The following FBXW11 variants were observed in gnomAD, a reference collection of about 807,000 sequenced individuals.
FBXW11 encodes F-box and WD repeat domain containing 11, also known as F-box/WD repeat-containing protein 11.
Under a neutral mutation model 77.6 loss-of-function variants are expected in FBXW11, and 19 were observed. The observed-to-expected ratio is 0.24, with a 90% CI of 0.17 to 0.36. FBXW11 has a LOEUF of 0.36. Among genes scored for constraint, FBXW11 ranks in the 10% least tolerant of loss-of-function variants. The probability of loss-of-function intolerance (pLI) is 1.00; values close to 1 mark genes in which losing one functional copy is unlikely to be tolerated. For missense variants in FBXW11, 334 were observed against 704.2 expected, an observed-to-expected ratio of 0.47 and a Z score of 5.95; for synonymous variants, 235 against 249.4, an observed-to-expected ratio of 0.94 and a Z score of 0.54.
At chr5:171,893,271 G>C (rs1030247996) in intron 6 of FBXW11, among the ~76,000 whole-genome samples, 7 of 151,714 alleles carry the variant, frequency 4.6e-5, no homozygotes, top group South Asian at 2.1e-4. Context: ...TATTTCCAAT[G>C]CTCAGGAGAT....
At chr5:171,884,199 T>C (rs1031993753) in intron 7 of FBXW11, among the ~76,000 whole-genome samples, 7 of 152,246 alleles carry the variant, frequency 4.6e-5, no homozygotes, top group South Asian at 2.1e-4. Context: ...TTAATCCACA[T>C]TGAGTTGATT....
intron 2 of FBXW11, among the ~76,000 whole-genome samples, chr5:171,929,577 C>A (rs965799368): frequency 6.6e-6 from 1 of 151,924 alleles, no homozygotes; most frequent in Admixed American, 6.6e-5. Flanking sequence ...GATGGCCGGG[C>A]GTGGTGGCTC....
intron 7 of FBXW11, among the ~76,000 whole-genome samples, chr5:171,890,618 T>G (rs1759281099): frequency 6.6e-6 from 1 of 152,086 alleles, no homozygotes; most frequent in South Asian, 2.1e-4. Flanking sequence ...ACCCCACTCC[T>G]CAGTTTTCAC....
intron 2 of FBXW11, among the ~76,000 whole-genome samples, chr5:171,922,918 T>G (rs1761675800): frequency 6.6e-6 from 1 of 152,160 alleles, no homozygotes; most frequent in South Asian, 2.1e-4. Flanking sequence ...TGTGTGTGTG[T>G]GTGCGTGTGT....
rs70982354 is a variant in FBXW11 at position 171,923,909 on chromosome 5, CTTTTTTTTTTTTTTTT to C, written c.148-9520_148-9505del. Among the ~76,000 whole-genome samples the C allele has an allele frequency of 4.3e-3, 213 of 49,208 alleles. 3 individuals carry two copies. Among genetic ancestry groups the C allele is most frequent in the African/African-American group, 0.018 (205 of 11,164 alleles). 32.3% of individuals were successfully genotyped at this position (49,208 alleles called of 152,430 possible). On this transcript the variant is annotated intron_variant, in intron 2 of 13. Coordinates refer to ENST00000517395, the MANE Select transcript of FBXW11 (RefSeq NM_001378974.1). ...GGGAGGGTCCGCGGTGAAACCCCAC[CTTTTTTTTTTTTTTTT>C]TTTTTTTTTTTTTTTTTTGAGACAG...
intron 2 of FBXW11, among the ~76,000 whole-genome samples, chr5:171,935,786 T>C (rs1762444513): frequency 6.6e-6 from 1 of 151,906 alleles, no homozygotes; most frequent in South Asian, 2.1e-4. Context: ...AAATTAATGG[T>C]AAACATTTAA....
intron 1 of FBXW11, among the ~76,000 whole-genome samples, chr5:172,004,699 T>C (rs1766622300): frequency 6.6e-6 from 1 of 152,212 alleles, no homozygotes; most frequent in Non-Finnish European, 1.5e-5. Context: ...ATGCACTGTG[T>C]GTACATTCTT....
intron 7 of FBXW11, among the ~76,000 whole-genome samples, chr5:171,879,365 C>T (rs1758352222): frequency 6.6e-6 from 1 of 152,214 alleles, no homozygotes; most frequent in Non-Finnish European, 1.5e-5. Flanking sequence ...TACTGAAGGA[C>T]ACCTTGGTTG....
At chr5:171,866,705 T>C (rs1040795469) in intron 13 of FBXW11, among the ~76,000 whole-genome samples, 1 of 152,132 alleles carries the variant, frequency 6.6e-6, no homozygotes, top group Non-Finnish European at 1.5e-5. Context: ...CTTTAAGCAG[T>C]TTTTACTTGG....
At chr5:171,937,256 C>CA (rs1311663276) in intron 2 of FBXW11, among the ~76,000 whole-genome samples, 4 of 151,862 alleles carry the variant, frequency 2.6e-5, no homozygotes, top group African/African-American at 4.8e-5. Context: ...GTAAAAAATA[C>CA]AAAAAAAGAA....
At chr5:171,964,707 C>T (rs1480802611) in intron 1 of FBXW11, among the ~76,000 whole-genome samples, 3 of 152,196 alleles carry the variant, frequency 2.0e-5, no homozygotes, top group African/African-American at 7.2e-5. Flanking sequence ...ACCATAAATG[C>T]ATTGTTTTTA....
intron 2 of FBXW11, among the ~76,000 whole-genome samples, chr5:171,917,069 C>T (rs1761303521): frequency 6.6e-6 from 1 of 151,950 alleles, no homozygotes; most frequent in South Asian, 2.1e-4. Flanking sequence ...TACGGGCACA[C>T]ACCACCATGC....
intron 9 of FBXW11, among the ~76,000 whole-genome samples, chr5:171,874,872 G>C (rs1757977051): frequency 6.6e-6 from 1 of 151,702 alleles, no homozygotes; most frequent in Non-Finnish European, 1.5e-5. Context: ...CTTGAGCCCA[G>C]GAGGTCAAGG....
chr5:171,991,014 C>T lies in FBXW11; in HGVS notation c.45+15444G>A, dbSNP rs182959819. The stretch of plus-strand genomic sequence containing the variant: ...CTAATTTTCGTATTTTTAGTAGAGA[C>T]GGGGTTTCATCATGTTGGTCAGGCT... On this transcript the variant is annotated intron_variant, in intron 1 of 13. Transcript: ENST00000517395. Among the ~76,000 whole-genome samples the T allele has an allele frequency of 3.6e-3, 548 of 152,134 alleles. 8 individuals are homozygous for T. Among genetic ancestry groups the T allele is most frequent in the Admixed American group, 0.015 (229 of 15,282 alleles).
chr5:171,935,726 G>A (rs1581224822), intron 2 of FBXW11, among the ~76,000 whole-genome samples: 1 of 151,900 alleles, frequency 6.6e-6, no homozygotes, highest in African/African-American at 2.4e-5. Context: ...GAAAATAAAG[G>A]GTAAAGGTTT....
chr5:171,940,694 C>A (rs1351845583), intron 2 of FBXW11, among the ~76,000 whole-genome samples: 2 of 152,210 alleles, frequency 1.3e-5, no homozygotes, highest in East Asian at 3.9e-4. Context: ...TCGAGACCAG[C>A]CTGACCAACA....
intron 2 of FBXW11, among the ~76,000 whole-genome samples, chr5:171,952,361 T>A (rs1433054617): frequency 7.0e-6 from 1 of 143,362 alleles, no homozygotes; most frequent in African/African-American, 2.5e-5. Context: ...TGGTTTTTTT[T>A]AACCATATAT....
chr5:171,988,861 T>TATAC lies in FBXW11; in HGVS notation c.45+17593_45+17596dup, dbSNP rs1245046727. On this transcript the variant is annotated intron_variant, in intron 1 of 13. Coordinates refer to ENST00000517395, the MANE Select transcript of FBXW11 (RefSeq NM_001378974.1). ...CTCCACCTCAATAAATAAATAAATATATACATACACACATACATTCATACT... is the reference window on the plus strand; with the variant it reads ...CTCCACCTCAATAAATAAATAAATATATACATACATACACACATACATTCATACT... 2.4e-4 allele frequency among the ~76,000 whole-genome samples: 33 copies of TATAC among 139,052 alleles called. 1 individual carries two copies. In the Middle Eastern group the frequency reaches 0.025, roughly 103 times the overall value. 91.2% of individuals were successfully genotyped at this position (139,052 alleles called of 152,430 possible).
chr5:171,944,468 G>A (rs1356066202), intron 2 of FBXW11, among the ~76,000 whole-genome samples: 1 of 151,108 alleles, frequency 6.6e-6, no homozygotes, highest in Non-Finnish European at 1.5e-5. Flanking sequence ...CCAGCTATGC[G>A]GGAGGCTGAG....
Sources: allele counts gnomAD v4.1 joint callset (sites outside exome capture counted in the v4.1 genomes callset), GRCh38; gene constraint gnomAD v4.1.1; transcripts MANE v1.5; gene names NCBI Gene and HGNC (gene_info 2026-07-23, HGNC 2026-07-21).